SHANK2: variants seen among roughly 807,000 people sequenced by gnomAD.
SHANK2 encodes SH3 and multiple ankyrin repeat domains 2.
A neutral mutation model predicts 133.7 loss-of-function variants in SHANK2; 43 were observed. The ratio of observed to expected loss-of-function variants is 0.32; its 90% CI spans 0.25 to 0.41. The LOEUF is 0.41. SHANK2 is among the 10% of genes least tolerant of loss of function. The pLI is 1.00. For synonymous variants in SHANK2, 1,017 were observed against 952.8 expected, an observed-to-expected ratio of 1.07 and a Z score of -1.24; for missense variants, 1,994 against 2,235.8, an observed-to-expected ratio of 0.89 and a Z score of 2.18.
chr11:70,897,526 G>T (rs1391687086), intron 10 of SHANK2, among the ~76,000 whole-genome samples: 1 of 152,144 alleles, frequency 6.6e-6, no homozygotes, highest in Non-Finnish European at 1.5e-5. Context: ...TTTCAAATTG[G>T]CCAACCTCAT....
In SHANK2 at chr11:70,502,261, C is replaced by A; in HGVS notation, c.2223G>T (p.Pro741=). Residue 741 remains proline (P), a synonymous_variant, in exon 19 of 26, where the codon CCG becomes CCT. Coordinates refer to ENST00000601538, the MANE Select transcript of SHANK2 (RefSeq NM_012309.5). ...TGGAGCGCAGGGTGAGGGCTGTGGT[C>A]GGTGCCCGCTTTGGAGGCGGGGGAG... ...KKAPPPPKRA[P]TTALTLRSKS... 3.2e-6 allele frequency: 5 copies of A among 1,558,136 alleles called. No homozygotes were observed. The highest frequency in any genetic ancestry group is 4.3e-6 in the Non-Finnish European group (5 of 1,149,834).
At chr11:70,935,014 G>A (rs1264312094) in intron 10 of SHANK2, among the ~76,000 whole-genome samples, 11 of 152,184 alleles carry the variant, frequency 7.2e-5, no homozygotes, top group Admixed American at 5.2e-4. Context: ...GTAAACGGCC[G>A]TGCCTATGAC....
At chr11:70,852,842 C>T (rs1555065954) in intron 11 of SHANK2, among the ~76,000 whole-genome samples, 1 of 152,202 alleles carries the variant, frequency 6.6e-6, no homozygotes, top group Non-Finnish European at 1.5e-5. Context: ...GACTCTGTCT[C>T]AATCAATCAA....
At chr11:70,716,265 G>T (rs1313334954) in intron 14 of SHANK2, among the ~76,000 whole-genome samples, 3 of 152,056 alleles carry the variant, frequency 2.0e-5, no homozygotes, top group Non-Finnish European at 4.4e-5. Flanking sequence ...TCCCGGCCAG[G>T]CTTTGTTACC....
chr11:71,201,081 G>T (rs1412007862), intron 2 of SHANK2, among the ~76,000 whole-genome samples: 1 of 152,110 alleles, frequency 6.6e-6, no homozygotes, highest in African/African-American at 2.4e-5. Flanking sequence ...CGACAGTGAT[G>T]GTTTAAGACA....
At chr11:70,502,390 T>C in intron 18 of SHANK2, 104 bp from the exon 19 acceptor site, 1 of 1,080,492 alleles carries the variant, frequency 9.3e-7, no homozygotes, top group Non-Finnish European at 1.3e-6. Flanking sequence ...TCTCAGGCTG[T>C]TTGGCTGCGG....
chr11:70,542,417 G>A (rs1270370348), intron 17 of SHANK2, among the ~76,000 whole-genome samples: 1 of 152,154 alleles, frequency 6.6e-6, no homozygotes, highest in Non-Finnish European at 1.5e-5. Context: ...GGCAAGGAAG[G>A]ACCCTCCCCT....
At chr11:71,185,316 T>G (rs1449596414) in intron 2 of SHANK2, among the ~76,000 whole-genome samples, 1 of 152,204 alleles carries the variant, frequency 6.6e-6, no homozygotes, top group Non-Finnish European at 1.5e-5. Context: ...AGGGACTGTC[T>G]ACCCTCCCTA....
intron 8 of SHANK2, among the ~76,000 whole-genome samples, chr11:71,091,859 T>C (rs1951524510): frequency 5.3e-5 from 8 of 152,162 alleles, no homozygotes; most frequent in Admixed American, 5.2e-4. Flanking sequence ...CCTCAGCCTT[T>C]AACCCCGTCC....
Position 70,679,022 on chromosome 11 carries a change from C to T in SHANK2, c.1854-17344G>A, listed in dbSNP as rs868925363. On this transcript the variant is annotated intron_variant, in intron 15 of 25. Coordinates refer to ENST00000601538, the MANE Select transcript of SHANK2 (RefSeq NM_012309.5). ...TCAGCATGCTCGCTAGGACAACCTT[C>T]CTCCCCCGCCCTCACATGACTGGGA... 4.6e-5 allele frequency among the ~76,000 whole-genome samples: 7 copies of T among 152,302 alleles called. No homozygotes were observed. In the South Asian group the frequency reaches 8.3e-4, roughly 18 times the overall value.
At chr11:70,916,630 T>C (rs1220201286) in intron 10 of SHANK2, among the ~76,000 whole-genome samples, 2 of 152,082 alleles carry the variant, frequency 1.3e-5, no homozygotes, top group African/African-American at 4.8e-5. Flanking sequence ...ATTATCCACC[T>C]GTGTCAGTTA....
At position 70,531,155 on chromosome 11, in the gene SHANK2, C is replaced by CAA. The variant is rs58867931; in HGVS notation, c.2062-28226_2062-28225dup. 6.5e-4 allele frequency among the ~76,000 whole-genome samples: 57 copies of CAA among 88,148 alleles called. 3 individuals are homozygous for CAA. Among genetic ancestry groups the CAA allele is most frequent in the Admixed American group, 1.1e-3 (7 of 6,602 alleles). 57.8% of individuals were successfully genotyped at this position (88,148 alleles called of 152,430 possible). On this transcript the variant is annotated intron_variant, in intron 17 of 25. Transcript: ENST00000601538. ...CCTGGGCAACAGAGCACGACTGTCT[C>CAA]AAAAAAAAAAAAAAAAAAAAAAAAA...
rs372100138 is a variant in SHANK2 at position 70,782,994 on chromosome 11, C to T, written c.1777+15449G>A. Among the ~76,000 whole-genome samples the T allele has an allele frequency of 2.4e-4, 37 of 152,208 alleles. 1 individual carries two copies. Among genetic ancestry groups the T allele is most frequent in the East Asian group, 2.1e-3 (11 of 5,158 alleles). On this transcript the variant is annotated intron_variant, in intron 14 of 25. Coordinates refer to ENST00000601538, the MANE Select transcript of SHANK2 (RefSeq NM_012309.5). ...GGTGTGATTGGGTTTAGATAAGTCA[C>T]GAAGCTGGGGTCCCCAAGATGGGAT...
intron 11 of SHANK2, among the ~76,000 whole-genome samples, chr11:70,873,474 G>A (rs1435200360): frequency 6.6e-6 from 1 of 152,190 alleles, no homozygotes; most frequent in African/African-American, 2.4e-5. Flanking sequence ...GGAGGAGGAG[G>A]GGCTGCCCAG....
chr11:70,603,753 T>G (rs2060532349), intron 17 of SHANK2: 1 of 152,482 alleles, frequency 6.6e-6, no homozygotes, highest in African/African-American at 2.4e-5. Context: ...AATCCCACAG[T>G]CCCCCTTCTC....
At chr11:70,888,731 C>T (rs999942815) in intron 11 of SHANK2, among the ~76,000 whole-genome samples, 3 of 151,914 alleles carry the variant, frequency 2.0e-5, no homozygotes, top group East Asian at 1.9e-4. Context: ...GCAGCAGAAT[C>T]GCTTGAACCT....
At chr11:71,243,790 G>T (rs1413014646) in intron 1 of SHANK2, among the ~76,000 whole-genome samples, 1 of 152,156 alleles carries the variant, frequency 6.6e-6, no homozygotes, top group African/African-American at 2.4e-5. Flanking sequence ...CACATTTCTG[G>T]TGGGACACAA....
At chr11:70,731,478 A>C (rs1352427013) in intron 14 of SHANK2, among the ~76,000 whole-genome samples, 1 of 152,184 alleles carries the variant, frequency 6.6e-6, no homozygotes, top group Non-Finnish European at 1.5e-5. Flanking sequence ...AATTCTGGGC[A>C]TTTCACAGAA....
In SHANK2 at chr11:70,760,434, C is replaced by T. The variant is rs1555039941; in HGVS notation, c.1777+38009G>A. Among the ~76,000 whole-genome samples, 6 of 152,342 alleles carry T rather than the reference C, an allele frequency of 3.9e-5. 1 individual carries two copies. In the South Asian group the frequency reaches 1.2e-3, roughly 32 times the overall value. Reference sequence around the variant, plus strand: ...CTTTCTGCTCCCCACGTTTGTTCCTCCTCTCTTCTAAGGTCACCTGCCATT... The same window carrying T: ...CTTTCTGCTCCCCACGTTTGTTCCTTCTCTCTTCTAAGGTCACCTGCCATT... On this transcript the variant is annotated intron_variant, in intron 14 of 25. Coordinates refer to ENST00000601538, the MANE Select transcript of SHANK2 (RefSeq NM_012309.5).
Sources: allele counts gnomAD v4.1 joint callset (sites outside exome capture counted in the v4.1 genomes callset), GRCh38; gene constraint gnomAD v4.1.1; transcripts MANE v1.5; gene names NCBI Gene and HGNC (gene_info 2026-07-23, HGNC 2026-07-21).